The following MPPED2 variants were observed in gnomAD, a reference collection of about 807,000 sequenced individuals.
MPPED2 encodes metallophosphoesterase domain containing 2, also known as metallophosphoesterase MPPED2.
In MPPED2, 5 loss-of-function variants were observed where a neutral mutation model predicts 33.0. The ratio of observed to expected loss-of-function variants is 0.15; its 90% CI spans 0.08 to 0.32. The LOEUF (loss-of-function observed/expected upper bound fraction) is 0.32, where lower values mean the gene tolerates loss of function less well. Ranked by LOEUF, MPPED2 falls within the 10% of genes least tolerant of loss-of-function variation. MPPED2 has a pLI of 1.00. For synonymous variants in MPPED2, 136 were observed against 141.9 expected (o/e 0.96, Z 0.29); for missense variants, 275 against 372.1 (o/e 0.74, Z 2.15).
chr11:30,495,002 G>A, intron 4 of MPPED2: 1 of 337,680 alleles, frequency 3.0e-6, no homozygotes, highest in Non-Finnish European at 5.4e-6. Context: ...GAGCATGATG[G>A]AATTTTATCA....
intron 4 of MPPED2, among the ~76,000 whole-genome samples, chr11:30,452,583 C>T (rs1950107648): frequency 6.6e-6 from 1 of 152,168 alleles, no homozygotes; most frequent in Non-Finnish European, 1.5e-5. Flanking sequence ...CTAAGTCACA[C>T]CTCTGGGGGT....
intron 2 of MPPED2, among the ~76,000 whole-genome samples, chr11:30,567,476 G>A (rs538662579): frequency 2.0e-5 from 3 of 152,036 alleles, no homozygotes; most frequent in South Asian, 2.1e-4. Context: ...CAGCCTCCCC[G>A]AGAGCAATCA....
intron 4 of MPPED2, among the ~76,000 whole-genome samples, chr11:30,470,720 C>T (rs1950912526): frequency 6.6e-6 from 1 of 152,176 alleles, no homozygotes; most frequent in Non-Finnish European, 1.5e-5. Flanking sequence ...ATCTCCCACT[C>T]TTCCCAGCTA....
chr11:30,459,118 G>T (rs1166949620), intron 4 of MPPED2, among the ~76,000 whole-genome samples: 1 of 151,162 alleles, frequency 6.6e-6, no homozygotes, highest in Non-Finnish European at 1.5e-5. Flanking sequence ...GTAGAGACGG[G>T]GTTTCACCGT....
intron 4 of MPPED2, among the ~76,000 whole-genome samples, chr11:30,432,757 C>T (rs1352651727): frequency 6.6e-6 from 1 of 152,146 alleles, no homozygotes; most frequent in African/African-American, 2.4e-5. Flanking sequence ...AGGTTATCTG[C>T]TCACAAATCA....
chr11:30,385,381 T>C (rs1200068041), exon 7 of MPPED2: 1 of 152,186 alleles, frequency 6.6e-6, no homozygotes, highest in African/African-American at 2.4e-5. Flanking sequence ...GGGCTGGGTC[T>C]TTGTAGCTTC....
At chr11:30,511,566 T>C (rs538318617) in intron 3 of MPPED2, among the ~76,000 whole-genome samples, 9 of 152,304 alleles carry the variant, frequency 5.9e-5, no homozygotes, top group Non-Finnish European at 8.8e-5. Flanking sequence ...CTTCCTTGAT[T>C]ATGTACGGCA....
intron 3 of MPPED2, among the ~76,000 whole-genome samples, chr11:30,523,621 C>CTT (rs755853042): frequency 0.016 from 1,640 of 104,402 alleles, 40 homozygotes; most frequent in African/African-American, 0.037. Context: ...AGCAACACAT[C>CTT]TTTTTTTTTT....
intron 3 of MPPED2, among the ~76,000 whole-genome samples, chr11:30,504,494 G>A (rs568670372): frequency 1.6e-4 from 24 of 152,254 alleles, no homozygotes; most frequent in African/African-American, 5.1e-4. Flanking sequence ...TAAGCTATGA[G>A]GAGGCAGAGC....
At chr11:30,467,431 T>C (rs1278174540) in intron 4 of MPPED2, among the ~76,000 whole-genome samples, 1 of 152,170 alleles carries the variant, frequency 6.6e-6, no homozygotes, top group Non-Finnish European at 1.5e-5. Context: ...CACTCCCAGC[T>C]TGGGAAGGGA....
At chr11:30,459,586 G>T (rs539219955) in intron 4 of MPPED2, among the ~76,000 whole-genome samples, 9 of 152,292 alleles carry the variant, frequency 5.9e-5, no homozygotes, top group African/African-American at 1.9e-4. Context: ...GCCTTGACAA[G>T]ATCATAAAAT....
chr11:30,523,442 C>T (rs1466041879), intron 3 of MPPED2, among the ~76,000 whole-genome samples: 2 of 151,964 alleles, frequency 1.3e-5, no homozygotes, highest in African/African-American at 2.4e-5. Context: ...CATTGGGAGG[C>T]CTCCTACCTA....
At chr11:30,454,327 G>A (rs1160345467) in intron 4 of MPPED2, among the ~76,000 whole-genome samples, 5 of 152,012 alleles carry the variant, frequency 3.3e-5, no homozygotes, top group Non-Finnish European at 5.9e-5. Flanking sequence ...AACAATAGCC[G>A]GGCTACAGCC....
rs1336081769 is a variant in MPPED2 at position 30,495,383 on chromosome 11, T to A, written c.449A>T (p.Asp150Val). ...SVSKLKPEDF[D>V]NVQSLLTNSI... Reference sequence around the variant, plus strand: ...GTTTGTCAGGAGGGACTGAACATTGTCAAAGTCCTCTGGTTTCAATTTGGA... The same window carrying A: ...GTTTGTCAGGAGGGACTGAACATTGACAAAGTCCTCTGGTTTCAATTTGGA... The change falls in exon 4 of 7, where the codon GAC becomes GTC. Residue 150 changes from aspartate to valine, a missense_variant. Asp to Val is a radical substitution (Grantham distance 152). Coordinates refer to ENST00000358117, the MANE Select transcript of MPPED2 (RefSeq NM_001584.3). 2 of 1,614,022 alleles carry A rather than the reference T, an allele frequency of 1.2e-6. No homozygotes were observed. Among genetic ancestry groups the A allele is most frequent in the East Asian group, 2.2e-5 (1 of 44,876 alleles).
chr11:30,417,326 G>A (rs1386507426), intron 5 of MPPED2, among the ~76,000 whole-genome samples, 192 bp downstream of exon 5: 1 of 151,488 alleles, frequency 6.6e-6, no homozygotes, highest in Non-Finnish European at 1.5e-5. Context: ...TTAATTTCAA[G>A]AACACCTGTA....
At position 30,417,641 on chromosome 11, in the gene MPPED2, G is replaced by A; in HGVS notation, c.537-8C>T. The A allele has an allele frequency of 1.9e-6, 3 of 1,544,186 alleles. No individual in the cohort carries two copies. Among genetic ancestry groups the A allele is most frequent in the Admixed American group, 3.3e-5 (2 of 59,792 alleles). ...CCATTAAACCACGGGGTCCTTTGGG[G>A]GAGATAATGCACATGGTATCAGGCC... On this transcript the variant is annotated splice_region_variant and splice_polypyrimidine_tract_variant and intron_variant, in intron 4 of 6. Coordinates refer to ENST00000358117, the MANE Select transcript of MPPED2 (RefSeq NM_001584.3).
intron 3 of MPPED2, among the ~76,000 whole-genome samples, chr11:30,519,491 T>C (rs1256114211): frequency 6.6e-6 from 1 of 151,844 alleles, no homozygotes; most frequent in African/African-American, 2.4e-5. Context: ...ATAATAGTAC[T>C]GGAGCTACCA....
At chr11:30,522,387 TACAC>T (rs60549510) in intron 3 of MPPED2, among the ~76,000 whole-genome samples, 55,586 of 146,112 alleles carry the variant, frequency 0.38, 10,908 homozygotes, top group Middle Eastern at 0.5. Context: ...CAGGAAAACA[TACAC>T]ACACACACAC....
At chr11:30,421,530 C>T (rs770918168) in intron 4 of MPPED2, among the ~76,000 whole-genome samples, 3 of 150,612 alleles carry the variant, frequency 2.0e-5, no homozygotes, top group East Asian at 1.9e-4. Context: ...AGAGCTTTTA[C>T]GTAAGTTATT....
Sources: allele counts gnomAD v4.1 joint callset (sites outside exome capture counted in the v4.1 genomes callset), GRCh38; gene constraint gnomAD v4.1.1; transcripts MANE v1.5; gene names NCBI Gene and HGNC (gene_info 2026-07-23, HGNC 2026-07-21).